The following DLG2 variants were observed in gnomAD, a reference collection of about 807,000 sequenced individuals.
DLG2 encodes discs large MAGUK scaffold protein 2.
In DLG2, 45 loss-of-function variants were observed where a neutral mutation model predicts 132.5. That is an observed-to-expected ratio of 0.34 (90% CI 0.27 to 0.44). DLG2 has a LOEUF of 0.44. DLG2 is among the 20% of genes least tolerant of loss of function. The pLI is 1.00. For missense variants in DLG2, 1,045 were observed against 1,196.9 expected (o/e 0.87, Z 1.87); for synonymous variants, 424 against 419.6 (o/e 1.01, Z -0.13).
chr11:84,207,743 G>T (rs2096691869), intron 8 of DLG2, among the ~76,000 whole-genome samples: 1 of 152,066 alleles, frequency 6.6e-6, no homozygotes, highest in South Asian at 2.1e-4. Flanking sequence ...AGGTATTTTA[G>T]AATCCAACTC....
At chr11:83,636,413 G>C (rs1052746349) in intron 18 of DLG2, among the ~76,000 whole-genome samples, 15 of 152,060 alleles carry the variant, frequency 9.9e-5, no homozygotes, top group African/African-American at 3.6e-4. Context: ...GTTATAAAAT[G>C]GCTCCAGGTA....
intron 9 of DLG2, among the ~76,000 whole-genome samples, chr11:84,102,057 C>T (rs527443352): frequency 1.4e-4 from 21 of 152,284 alleles, no homozygotes; most frequent in African/African-American, 4.6e-4. Context: ...CTACCAGAAA[C>T]TTCACATCGC....
At chr11:85,177,288 C>CATAT (rs1276439869) in intron 4 of DLG2, among the ~76,000 whole-genome samples, 2,070 of 119,446 alleles carry the variant, frequency 0.017, 51 homozygotes, top group African/African-American at 0.06. Flanking sequence ...TATACATATA[C>CATAT]ACACACACAC....
chr11:83,987,709 A>G (rs901883513), intron 11 of DLG2, among the ~76,000 whole-genome samples: 3 of 152,134 alleles, frequency 2.0e-5, no homozygotes, highest in African/African-American at 7.2e-5. Context: ...AGATGGATTA[A>G]AGACTTAAAC....
chr11:84,405,317 C>A (rs535076826), intron 7 of DLG2, among the ~76,000 whole-genome samples: 1 of 152,200 alleles, frequency 6.6e-6, no homozygotes, highest in Non-Finnish European at 1.5e-5. Context: ...TGTCAATGAG[C>A]CCCTGGAAGA....
At chr11:83,506,454 A>AGAGGTT (rs2094703770) in intron 21 of DLG2, among the ~76,000 whole-genome samples, 1 of 152,128 alleles carries the variant, frequency 6.6e-6, no homozygotes, top group Non-Finnish European at 1.5e-5. Context: ...CTCATGGGTC[A>AGAGGTT]CACTCTCAAC....
At chr11:85,549,616 G>A (rs2076547452) in intron 3 of DLG2, among the ~76,000 whole-genome samples, 1 of 152,160 alleles carries the variant, frequency 6.6e-6, no homozygotes, top group Non-Finnish European at 1.5e-5. Context: ...GACCTACTGG[G>A]CTGCATTCCC....
intron 20 of DLG2, among the ~76,000 whole-genome samples, chr11:83,537,831 A>AC (rs1249272844): frequency 7.4e-6 from 1 of 134,378 alleles, no homozygotes; most frequent in Non-Finnish European, 1.5e-5. Context: ...AAAAAAAAAA[A>AC]AAAAGAGAGA....
chr11:83,993,491 G>C (rs2093840689), intron 11 of DLG2, among the ~76,000 whole-genome samples: 1 of 152,088 alleles, frequency 6.6e-6, no homozygotes, highest in African/African-American at 2.4e-5. Flanking sequence ...ACCAATGACA[G>C]ACACAATTAC....
chr11:83,701,242 G>C (rs1409548538), intron 18 of DLG2, among the ~76,000 whole-genome samples: 1 of 151,922 alleles, frequency 6.6e-6, no homozygotes. Context: ...GAGTAACTTT[G>C]GCAAGTTACT....
intron 3 of DLG2, among the ~76,000 whole-genome samples, chr11:85,507,173 GTC>G (rs2093955261): frequency 6.6e-6 from 1 of 152,162 alleles, no homozygotes; most frequent in Non-Finnish European, 1.5e-5. Flanking sequence ...CAATTTGCCA[GTC>G]TTTGTCTTTT....
intron 11 of DLG2, among the ~76,000 whole-genome samples, chr11:84,013,595 G>A (rs1438802845): frequency 2.6e-5 from 4 of 151,956 alleles, no homozygotes; most frequent in Non-Finnish European, 4.4e-5. Context: ...CCAGCTGGGC[G>A]TGGTGGCTCA....
chr11:83,914,563 T>C (rs957495843), intron 15 of DLG2, among the ~76,000 whole-genome samples: 1 of 152,186 alleles, frequency 6.6e-6, no homozygotes, highest in African/African-American at 2.4e-5. Context: ...ATGCTTTTCA[T>C]GTATAAACTC....
intron 6 of DLG2, among the ~76,000 whole-genome samples, chr11:84,910,159 G>A (rs1390160732): frequency 6.6e-6 from 1 of 152,194 alleles, no homozygotes; most frequent in East Asian, 1.9e-4. Flanking sequence ...CTGACTGAGT[G>A]ATTAAAGATC....
intron 3 of DLG2, among the ~76,000 whole-genome samples, chr11:85,342,397 A>G (rs2082561557): frequency 6.6e-6 from 1 of 152,160 alleles, no homozygotes. Context: ...AGGATCATCA[A>G]TGTCACTGTC....
intron 15 of DLG2, among the ~76,000 whole-genome samples, chr11:83,920,049 A>G (rs2077577013): frequency 2.0e-5 from 3 of 152,184 alleles, no homozygotes; most frequent in Admixed American, 2.0e-4. Context: ...TCACCATGCC[A>G]CAGACCCTGA....
intron 6 of DLG2, among the ~76,000 whole-genome samples, chr11:85,091,565 T>A (rs1024212709): frequency 3.9e-5 from 6 of 152,370 alleles, no homozygotes; most frequent in Middle Eastern, 3.4e-3. Flanking sequence ...TCTTTGGGAA[T>A]TGGAGTCAAT....
At chr11:84,240,124 T>C (rs1395763072) in intron 8 of DLG2, among the ~76,000 whole-genome samples, 1 of 152,230 alleles carries the variant, frequency 6.6e-6, no homozygotes, top group Non-Finnish European at 1.5e-5. Context: ...GGACGAACAA[T>C]GTCCATCTCT....
chr11:84,766,716 C>T (rs990702134), intron 6 of DLG2, among the ~76,000 whole-genome samples: 78 of 152,014 alleles, frequency 5.1e-4, no homozygotes, highest in African/African-American at 1.8e-3. Context: ...GTAGACACTA[C>T]GTTTATTGTT....
Sources: allele counts gnomAD v4.1 joint callset (sites outside exome capture counted in the v4.1 genomes callset), GRCh38; gene constraint gnomAD v4.1.1; transcripts MANE v1.5; gene names NCBI Gene and HGNC (gene_info 2026-07-23, HGNC 2026-07-21).